Variants in CDH16 observed in about 807,000 individuals in gnomAD.
CDH16 encodes the protein cadherin 16, also known as cadherin-16.
Under a neutral mutation model 87.6 loss-of-function variants are expected in CDH16, and 79 were observed. The ratio of observed to expected loss-of-function variants is 0.90; its 90% CI spans 0.75 to 1.09. The LOEUF is 1.09. Among genes scored for constraint, CDH16 ranks in the 50% least tolerant of loss-of-function variants. The probability of loss-of-function intolerance (pLI) is 0.00; values close to 1 mark genes in which losing one functional copy is unlikely to be tolerated. For missense variants in CDH16, 1,124 were observed against 1,071.7 expected (o/e 1.05, Z -0.68); for synonymous variants, 457 against 439.5 (o/e 1.04, Z -0.50).
rs1962392091 is a variant in CDH16, at chr16:66,911,118, C to T, written c.1924+64G>A. 9 of 1,523,792 alleles carry T rather than the reference C, an allele frequency of 5.9e-6. No homozygotes were observed. In the South Asian group the frequency reaches 1.1e-4, roughly 19 times the overall value. 94.4% of individuals were successfully genotyped at this position (1,523,792 alleles called of 1,614,324 possible). A position where few individuals can be genotyped will look rare whatever the true frequency, so the allele number is the denominator to read the frequency against. On this transcript the variant is annotated intron_variant, in intron 14 of 17. Transcript: ENST00000299752. The stretch of plus-strand genomic sequence containing the variant: ...AGGGCCTCTGGGAGGAAGCTCAGTC[C>T]TGCTGTCTGTCTGTCTGAGGTTTGT...
At position 66,908,315 on chromosome 16, in the gene CDH16, C is replaced by A; in HGVS notation, c.*77G>T. 8.3e-7 allele frequency: 1 copy of A among 1,203,436 alleles called. No homozygotes were observed. Among genetic ancestry groups the A allele is most frequent in the Non-Finnish European group, 1.2e-6 (1 of 815,188 alleles). The allele number at this position is 1,203,436 out of a possible 1,614,324, so 74.5% of individuals were successfully genotyped here. On this transcript the variant is annotated 3_prime_UTR_variant, in exon 18 of 18. Coordinates refer to ENST00000299752, the MANE Select transcript of CDH16 (RefSeq NM_004062.4). ...TACTCTGTCCTGTCCCCTGCTGGAT[C>A]TTGGGTGCTGGGCTCTCTCCCAGGG...
At chr16:66,914,180 T>A (rs755874149) in intron 7 of CDH16, 36 bp downstream of exon 7, 7 of 1,565,624 alleles carry the variant, frequency 4.5e-6, no homozygotes, top group Admixed American at 3.4e-5. Flanking sequence ...GCACCATCCA[T>A]GGGGCTGCTT....
intron 3 of CDH16, 24 bp downstream of exon 3, chr16:66,917,618 C>T (rs542475497): frequency 6.3e-7 from 1 of 1,588,544 alleles, no homozygotes; most frequent in South Asian, 1.1e-5. Flanking sequence ...TCCCCCCGGC[C>T]CCAACCCCAG....
In CDH16 at chr16:66,913,517, C is replaced by G. The variant is rs1567534204; in HGVS notation, c.877G>C (p.Glu293Gln). 1.2e-6 allele frequency: 2 copies of G among 1,614,162 alleles called. No individual in the cohort carries two copies. The highest frequency in any genetic ancestry group is 1.7e-6 in the Non-Finnish European group (2 of 1,180,006). The change falls in exon 8 of 18, where the codon GAG (glutamate) becomes CAG (glutamine). Residue 293 changes from glutamate (E) to glutamine (Q), a missense_variant. Physicochemically the swap from Glu to Gln is conservative, Grantham distance 29 (BLOSUM62 2). Coordinates refer to ENST00000299752, the MANE Select transcript of CDH16 (RefSeq NM_004062.4). Reference protein sequence around the residue: ...NAEGNLYVTRELDREAQAEYL... With the variant: ...NAEGNLYVTRQLDREAQAEYL... ...TCAGCCTGGGCTTCTCTGTCCAGCT[C>G]TCTGGTCACGTAGAGGTTTCCCTCT...
At chr16:66,915,159 G>T in intron 6 of CDH16, 61 bp downstream of exon 6, 2 of 1,490,280 alleles carry the variant, frequency 1.3e-6, no homozygotes, top group Non-Finnish European at 1.8e-6. Context: ...TTATGGTTCA[G>T]ATACCACCTT....
chr16:66,911,773 G>T, intron 13 of CDH16, 126 bp downstream of exon 13: 2 of 1,195,948 alleles, frequency 1.7e-6, no homozygotes, highest in Non-Finnish European at 1.2e-6. Context: ...TCACAACCTT[G>T]GCATTTGCCA....
intron 6 of CDH16, 46 bp downstream of exon 6, chr16:66,915,174 A>G: frequency 1.3e-6 from 2 of 1,532,712 alleles, no homozygotes; most frequent in Non-Finnish European, 1.8e-6. Flanking sequence ...CACCTTCTCC[A>G]GCTTTCTCTG....
chr16:66,915,186 C>T, intron 6 of CDH16, 34 bp downstream of exon 6: 1 of 1,559,846 alleles, frequency 6.4e-7, no homozygotes. Context: ...CTTTCTCTGA[C>T]CCTCCCTCCC....
chr16:66,910,223 C>G, intron 15 of CDH16, 37 bp downstream of exon 15: 1 of 1,565,110 alleles, frequency 6.4e-7, no homozygotes, highest in African/African-American at 1.3e-5. Context: ...CCCTCCCTGC[C>G]TTGGCCACAG....
chr16:66,918,208 C>T (rs2145476805), intron 1 of CDH16, 130 bp from the exon 2 acceptor site: 2 of 604,216 alleles, frequency 3.3e-6, no homozygotes, highest in Non-Finnish European at 5.5e-6. Context: ...CTGAGGCTCT[C>T]CATCTCCTGC....
chr16:66,914,801 T>C (rs116159139), intron 6 of CDH16, among the ~76,000 whole-genome samples: 2,651 of 152,104 alleles, frequency 0.017, 64 homozygotes, highest in African/African-American at 0.058. Context: ...CTGTGTAGGT[T>C]GTTGGGCGGT....
Position 66,909,262 on chromosome 16 carries a change from A to G in CDH16, c.2392+5T>C, listed in dbSNP as rs771142304. The G allele has an allele frequency of 6.3e-7, 1 of 1,585,638 alleles. No individual in the cohort carries two copies. The highest frequency in any genetic ancestry group is 8.7e-7 in the Non-Finnish European group (1 of 1,154,026). ...CCCACGCAGGTAATGTCCAACCTCCATTACCTATTGCTACCAGGGTGCCTA... is the reference window on the plus strand; with the variant it reads ...CCCACGCAGGTAATGTCCAACCTCCGTTACCTATTGCTACCAGGGTGCCTA... On this transcript the variant is annotated splice_donor_5th_base_variant and intron_variant, in intron 17 of 17. Transcript: ENST00000299752. This position sits in a 1 kb window ranked among gnomAD's most constrained non-coding sequence, Gnocchi z 4.1.
intron 6 of CDH16, among the ~76,000 whole-genome samples, chr16:66,914,896 C>T (rs1395141283): frequency 6.6e-6 from 1 of 152,134 alleles, no homozygotes; most frequent in African/African-American, 2.4e-5. Flanking sequence ...TCTGAGCTTC[C>T]AGGTCCAGGT....
Position 66,912,513 on chromosome 16 carries a change from G to C in CDH16, c.1350C>G (p.Ile450Met). 6.2e-7 allele frequency: 1 copy of C among 1,614,188 alleles called. No homozygotes were observed. Among genetic ancestry groups the C allele is most frequent in the Non-Finnish European group, 8.5e-7 (1 of 1,180,016 alleles). Reference protein sequence around the residue: ...TDINDHAPEFITSQIGPISLP... With the variant: ...TDINDHAPEFMTSQIGPISLP... ...CCCTGCGTCTGCTTACCTGGGAAGT[G>C]ATGAACTCAGGGGCGTGATCATTGA... The change falls in exon 11 of 18, where the codon ATC becomes ATG. Residue 450 changes from isoleucine (I) to methionine (M), a missense_variant. Transcript: ENST00000299752.
Position 66,912,226 on chromosome 16 carries a change from C to T in CDH16, c.1548+16G>A, listed in dbSNP as rs1416339332. ...GTGCATGTGTGGGCCCCTTTCCCAG[C>T]TACCCAGGCCCTCACCTTGCAGAGT... On this transcript the variant is annotated intron_variant, in intron 12 of 17. Transcript: ENST00000299752. 2 of 1,600,082 alleles carry T rather than the reference C, an allele frequency of 1.2e-6. No homozygotes were observed. The highest frequency in any genetic ancestry group is 2.7e-5 in the African/African-American group (2 of 74,648).
chr16:66,911,839 G>A (rs190788142), intron 13 of CDH16, 60 bp downstream of exon 13: 40 of 1,516,216 alleles, frequency 2.6e-5, no homozygotes, highest in Middle Eastern at 3.7e-4. Context: ...GAGGCCCTGG[G>A]GTCATCCCCA....
chr16:66,910,231 C>G (rs752903902), intron 15 of CDH16, 29 bp downstream of exon 15: 5 of 1,566,946 alleles, frequency 3.2e-6, no homozygotes, highest in Non-Finnish European at 4.3e-6. Flanking sequence ...GCCTTGGCCA[C>G]AGCCTCCCTC....
Position 66,909,385 on chromosome 16 carries a change from TGAGGGGA to T in CDH16, c.2276-9_2276-3del. 3.0e-6 allele frequency: 4 copies of T among 1,343,660 alleles called. No individual in the cohort carries two copies. The highest frequency in any genetic ancestry group is 4.1e-6 in the Non-Finnish European group (4 of 984,276). 83.2% of individuals were successfully genotyped at this position (1,343,660 alleles called of 1,614,324 possible). A position where few individuals can be genotyped will look rare whatever the true frequency, so the allele number is the denominator to read the frequency against. On this transcript the variant is annotated splice_polypyrimidine_tract_variant and splice_region_variant and intron_variant, in intron 16 of 17. Transcript: ENST00000299752. The surrounding 1 kb of genome is among the most constrained non-coding windows in gnomAD (Gnocchi z 4.1). ...CCACGTTGCAGCGACACACGATCAC[TGAGGGGA>T]GAGGGGAGGAAGGTAAGGGGAGGGA...
In CDH16 at chr16:66,909,148, G is replaced by A. The variant is rs1567529280; in HGVS notation, c.2392+119C>T. The A allele has an allele frequency of 1.4e-6, 1 of 721,958 alleles. No homozygotes were observed. Among genetic ancestry groups the A allele is most frequent in the East Asian group, 2.7e-5 (1 of 37,692 alleles). 44.7% of individuals were successfully genotyped at this position (721,958 alleles called of 1,614,324 possible). A position where few individuals can be genotyped will look rare whatever the true frequency, so the allele number is the denominator to read the frequency against. On this transcript the variant is annotated intron_variant, in intron 17 of 17. Coordinates refer to ENST00000299752, the MANE Select transcript of CDH16 (RefSeq NM_004062.4). The surrounding 1 kb of genome is among the most constrained non-coding windows in gnomAD (Gnocchi z 4.1). ...GGGCAGGCGCATAATGACTAGGAGA[G>A]TTGGGGGCTTCCTTTTTCAGAGCTA...
Sources: allele counts gnomAD v4.1 joint callset (sites outside exome capture counted in the v4.1 genomes callset), GRCh38; gene constraint gnomAD v4.1.1; non-coding constraint Gnocchi (gnomAD v3.1); transcripts MANE v1.5; gene names NCBI Gene and HGNC (gene_info 2026-07-23, HGNC 2026-07-21).